The following UPRT variants were observed in gnomAD, a reference collection of about 807,000 sequenced individuals.
UPRT encodes the protein RP11-311P8.3.
Under a neutral mutation model 22.6 loss-of-function variants are expected in UPRT, and 5 were observed. That is an observed-to-expected ratio of 0.22 (90% CI 0.12 to 0.47). The LOEUF is 0.47. UPRT is among the 20% of genes least tolerant of loss of function. The pLI is 0.99. For synonymous variants in UPRT, 77 were observed against 87.7 expected, an observed-to-expected ratio of 0.88 and a Z score of 0.68; for missense variants, 181 against 239.9, an observed-to-expected ratio of 0.75 and a Z score of 1.62.
intron 4 of UPRT, among the ~76,000 whole-genome samples, chrX:75,250,908 T>C (rs1007260066): frequency 8.0e-5 from 9 of 111,879 alleles, no homozygotes; most frequent in Non-Finnish European, 1.3e-4. Context: ...TAGTTCAACA[T>C]ATGCAAATCA....
At chrX:75,295,781 A>G (rs2082723732) in intron 2 of UPRT, among the ~76,000 whole-genome samples, 1 of 111,815 alleles carries the variant, frequency 8.9e-6, no homozygotes, top group African/African-American at 3.2e-5. Context: ...TATGATTGAT[A>G]TGAGCCTTTT....
chrX:75,251,444 A>G (rs1314573747), intron 4 of UPRT, among the ~76,000 whole-genome samples: 1 of 111,494 alleles, frequency 9.0e-6, no homozygotes, highest in Non-Finnish European at 1.9e-5. Flanking sequence ...CCAAATCATG[A>G]GTGAACTCCC....
At chrX:75,247,999 G>A (rs956890137) in intron 4 of UPRT, among the ~76,000 whole-genome samples, 1 of 112,004 alleles carries the variant, frequency 8.9e-6, no homozygotes, top group African/African-American at 3.2e-5. Context: ...CTGCAGCTGA[G>A]GGTCCTGACG....
chrX:75,190,016 C>A (rs1232370993), intron 4 of UPRT, among the ~76,000 whole-genome samples: 1 of 111,796 alleles, frequency 8.9e-6, no homozygotes, highest in African/African-American at 3.3e-5. Context: ...TGGATCCTGT[C>A]ATTGTGATGT....
chrX:75,304,008 T>C lies in UPRT; in HGVS notation c.*497T>C, dbSNP rs2082753833. The C allele has an allele frequency of 8.8e-6, 1 of 113,229 alleles. No individual in the cohort carries two copies. Among genetic ancestry groups the C allele is most frequent in the Admixed American group, 9.4e-5 (1 of 10,589 alleles). The allele number at this position is 113,229 out of a possible 1,213,427, so 9.3% of individuals were successfully genotyped here. ...AGAATAAAAGAATGTCTCCTGGAAT[T>C]TTACATTCCCATTAATGTCCTCATT... On this transcript the variant is annotated 3_prime_UTR_variant, in exon 7 of 7. Coordinates refer to ENST00000373383, the MANE Select transcript of UPRT (RefSeq NM_145052.4).
chrX:75,162,709 G>A (rs191962052), intron 2 of UPRT, among the ~76,000 whole-genome samples: 4 of 111,350 alleles, frequency 3.6e-5, no homozygotes, highest in Admixed American at 9.6e-5. Flanking sequence ...TTACTAACCC[G>A]AATCATTATT....
At chrX:75,292,935 T>A (rs866991767) in intron 1 of UPRT, among the ~76,000 whole-genome samples, 37 of 111,677 alleles carry the variant, frequency 3.3e-4, no homozygotes, top group African/African-American at 1.1e-3. Flanking sequence ...ATCAATTATT[T>A]GAGAATGAGT....
At chrX:75,232,296 C>A (rs181560269) in intron 4 of UPRT, among the ~76,000 whole-genome samples, 1 of 112,594 alleles carries the variant, frequency 8.9e-6, no homozygotes, top group African/African-American at 3.2e-5. Context: ...CCTATGCCCA[C>A]GGAGTCTTGC....
intron 4 of UPRT, among the ~76,000 whole-genome samples, chrX:75,264,266 C>T (rs1052784042): frequency 3.6e-5 from 4 of 111,415 alleles, no homozygotes; most frequent in Non-Finnish European, 7.5e-5. Flanking sequence ...GAGTTCAATT[C>T]CTGGAGATCC....
At chrX:75,273,504 A>G (rs2082618656), upstream of UPRT, among the ~76,000 whole-genome samples, 1 of 111,183 alleles carries the variant, frequency 9.0e-6, no homozygotes, top group African/African-American at 3.3e-5. Context: ...GAGTCCATAC[A>G]CTTAAAAATA....
chrX:75,165,218 T>C (rs12687366), intron 3 of UPRT, among the ~76,000 whole-genome samples: 2,332 of 111,499 alleles, frequency 0.021, 38 homozygotes, highest in South Asian at 0.13. Flanking sequence ...CTACTTGAAG[T>C]CTTTTCTTTA....
chrX:75,238,093 C>G (rs2082475604), intron 4 of UPRT, among the ~76,000 whole-genome samples: 1 of 111,093 alleles, frequency 9.0e-6, no homozygotes, highest in Admixed American at 9.6e-5. Context: ...ATTTGGGTAA[C>G]AACTAGCATG....
intron 4 of UPRT, among the ~76,000 whole-genome samples, chrX:75,267,652 G>A (rs2147675566): frequency 8.9e-6 from 1 of 112,135 alleles, no homozygotes; most frequent in Non-Finnish European, 1.9e-5. Context: ...ACCTCCTCCT[G>A]AATGACTACT....
At chrX:75,188,482 G>T in intron 4 of UPRT, among the ~76,000 whole-genome samples, 1 of 112,738 alleles carries the variant, frequency 8.9e-6, no homozygotes, top group African/African-American at 3.2e-5. Flanking sequence ...TTGTGTTTGT[G>T]TGTGCCCTGC....
At chrX:75,296,033 A>T (rs917216840) in intron 2 of UPRT, among the ~76,000 whole-genome samples, 1 of 111,994 alleles carries the variant, frequency 8.9e-6, no homozygotes, top group Non-Finnish European at 1.9e-5. Flanking sequence ...AGTGCTTGCC[A>T]TGACTGTTGT....
Position 75,303,688 on chromosome X carries a change from G to A in UPRT, c.*177G>A, listed in dbSNP as rs2082752180. ...TAGTTATTTGTTTACTGTTGGCACCGAATTCAACAATGAAGTATATGCAAC... is the reference window on the plus strand; with the variant it reads ...TAGTTATTTGTTTACTGTTGGCACCAAATTCAACAATGAAGTATATGCAAC... On this transcript the variant is annotated 3_prime_UTR_variant, in exon 7 of 7. Transcript: ENST00000373383. 5 of 358,457 alleles carry A rather than the reference G, an allele frequency of 1.4e-5. No individual in the cohort carries two copies. Among genetic ancestry groups the A allele is most frequent in the East Asian group, 1.0e-4 (2 of 19,522 alleles). The allele number at this position is 358,457 out of a possible 1,213,427, so 29.5% of individuals were successfully genotyped here. A position where few individuals can be genotyped will look rare whatever the true frequency, so the allele number is the denominator to read the frequency against.
intron 4 of UPRT, among the ~76,000 whole-genome samples, chrX:75,180,681 G>GTTTTTTTTTTTGTTTTT (rs2082266175): frequency 2.3e-5 from 1 of 43,895 alleles, no homozygotes; most frequent in Non-Finnish European, 3.8e-5. Context: ...CCTTTTCTCT[G>GTTTTTTTTTTTGTTTTT]TTTTTTTTTT....
chrX:75,274,800 G>A, intron 1 of UPRT, 160 bp downstream of exon 1: 1 of 472,362 alleles, frequency 2.1e-6, no homozygotes, highest in Non-Finnish European at 3.2e-6. Flanking sequence ...GTGTGTGTGT[G>A]TGTGTGTGTG....
chrX:75,188,568 G>C (rs933758261), intron 4 of UPRT, among the ~76,000 whole-genome samples: 2 of 112,751 alleles, frequency 1.8e-5, no homozygotes, highest in Non-Finnish European at 3.8e-5. Flanking sequence ...GAGCTTCCAG[G>C]CTGCTTTGTT....
Sources: gnomAD v4.1 joint callset for allele counts (sites outside exome capture counted in the v4.1 genomes callset) on GRCh38, gnomAD v4.1.1 for gene constraint, MANE v1.5 for transcripts, NCBI Gene and HGNC (gene_info 2026-07-23, HGNC 2026-07-21) for gene names.